Variants in HTR2C observed in about 807,000 individuals in gnomAD.
HTR2C encodes the protein 5-hydroxytryptamine receptor 2C, also known as 5-hydroxytryptamine (serotonin) receptor 2C, G protein-coupled.
Under a neutral mutation model 21.0 loss-of-function variants are expected in HTR2C, and 5 were observed. The observed-to-expected ratio is 0.24, with a 90% CI of 0.12 to 0.50. The LOEUF (loss-of-function observed/expected upper bound fraction) is 0.50, where lower values mean the gene tolerates loss of function less well. Among genes scored for constraint, HTR2C ranks in the 20% least tolerant of loss-of-function variants. The pLI is 0.98. For synonymous variants in HTR2C, 150 were observed against 145.3 expected (o/e 1.03, Z -0.23); for missense variants, 271 against 371.2 (o/e 0.73, Z 2.22).
chrX:114,851,836 G>A (rs1238499422), intron 5 of HTR2C, among the ~76,000 whole-genome samples: 2 of 111,108 alleles, frequency 1.8e-5, no homozygotes, highest in Non-Finnish European at 3.8e-5. Context: ...TTATAAAGCA[G>A]GATGCAGAAG....
chrX:114,781,332 T>A (rs782742084), intron 4 of HTR2C, among the ~76,000 whole-genome samples: 27 of 110,270 alleles, frequency 2.4e-4, no homozygotes, highest in Non-Finnish European at 4.2e-4. Flanking sequence ...ACAAAAAAAT[T>A]AAAAAATAAA....
chrX:114,629,741 G>T (rs782175850), intron 2 of HTR2C, among the ~76,000 whole-genome samples: 1 of 111,165 alleles, frequency 9.0e-6, no homozygotes, highest in South Asian at 3.8e-4. Context: ...ATACACCAAG[G>T]GTTATAATTA....
intron 4 of HTR2C, among the ~76,000 whole-genome samples, chrX:114,845,722 C>T (rs2070868561): frequency 9.1e-6 from 1 of 109,883 alleles, no homozygotes; most frequent in African/African-American, 3.3e-5. Flanking sequence ...GATTGGCTGG[C>T]CAATCCTCCT....
chrX:114,784,412 G>A (rs1247875681), intron 4 of HTR2C, among the ~76,000 whole-genome samples: 2 of 111,005 alleles, frequency 1.8e-5, no homozygotes, highest in Non-Finnish European at 3.8e-5. Flanking sequence ...CCACACATTC[G>A]TGGCTTAAAA....
intron 4 of HTR2C, among the ~76,000 whole-genome samples, chrX:114,753,357 A>G (rs2069780758): frequency 1.8e-5 from 2 of 111,901 alleles, no homozygotes; most frequent in African/African-American, 6.5e-5. Flanking sequence ...ACAACATAGG[A>G]CTGAAAGTTG....
chrX:114,642,964 G>A (rs1930196150), intron 2 of HTR2C, among the ~76,000 whole-genome samples: 2 of 110,945 alleles, frequency 1.8e-5, no homozygotes, highest in Admixed American at 1.9e-4. Context: ...TGTTATTGAT[G>A]AGTAAATCAA....
At chrX:114,897,406 TC>T (rs1419284101) in intron 5 of HTR2C, among the ~76,000 whole-genome samples, 1 of 111,670 alleles carries the variant, frequency 9.0e-6, no homozygotes, top group African/African-American at 3.3e-5. Context: ...TTTTTTTTTT[TC>T]CAAATTTTAT....
At chrX:114,708,739 C>T (rs1556418772) in intron 2 of HTR2C, among the ~76,000 whole-genome samples, 2 of 110,840 alleles carry the variant, frequency 1.8e-5, no homozygotes, top group East Asian at 2.8e-4. Flanking sequence ...CCCAAGAATT[C>T]GAGGTTACAG....
intron 1 of HTR2C, among the ~76,000 whole-genome samples, chrX:114,596,953 C>T (rs1927875467): frequency 9.0e-6 from 1 of 110,837 alleles, no homozygotes; most frequent in Non-Finnish European, 1.9e-5. Context: ...CATGGTGGCT[C>T]ACTCCTGTAA....
chrX:114,809,782 T>A (rs1556452163), intron 4 of HTR2C, among the ~76,000 whole-genome samples: 1 of 110,989 alleles, frequency 9.0e-6, no homozygotes, highest in African/African-American at 3.3e-5. Context: ...CACCAAGCTG[T>A]TACCCAAGCT....
chrX:114,753,261 G>A (rs2069779776), intron 4 of HTR2C, among the ~76,000 whole-genome samples: 1 of 111,080 alleles, frequency 9.0e-6, no homozygotes, highest in Non-Finnish European at 1.9e-5. Context: ...TCTCCCAATA[G>A]CAGTGGAAAC....
intron 2 of HTR2C, among the ~76,000 whole-genome samples, chrX:114,627,875 A>G (rs1292946186): frequency 8.9e-6 from 1 of 112,171 alleles, no homozygotes; most frequent in African/African-American, 3.2e-5. Context: ...GTACCTTATC[A>G]TTAGATCATA....
At chrX:114,792,101 T>C (rs2070238931) in intron 4 of HTR2C, among the ~76,000 whole-genome samples, 1 of 112,011 alleles carries the variant, frequency 8.9e-6, no homozygotes, top group Admixed American at 9.5e-5. Context: ...CATTTTTGGT[T>C]TTATTTTTAT....
At chrX:114,605,424 T>C (rs1298263480) in intron 1 of HTR2C, among the ~76,000 whole-genome samples, 2 of 110,652 alleles carry the variant, frequency 1.8e-5, no homozygotes, top group African/African-American at 6.6e-5. Context: ...TCAGCAATGC[T>C]TGGGGTTGGT....
At chrX:114,701,450 AG>A (rs1232860685) in intron 2 of HTR2C, among the ~76,000 whole-genome samples, 3 of 111,913 alleles carry the variant, frequency 2.7e-5, no homozygotes, top group African/African-American at 9.7e-5. Context: ...CCAGGCAAAC[AG>A]GGTCTGGAGT....
intron 5 of HTR2C, among the ~76,000 whole-genome samples, chrX:114,868,030 A>G (rs143606968): frequency 0.019 from 2,106 of 108,940 alleles, 15 homozygotes; most frequent in Non-Finnish European, 0.028. Context: ...TTTTTTTTCT[A>G]TTTCTGTGGA....
chrX:114,598,178 G>A (rs1927941148), intron 1 of HTR2C, among the ~76,000 whole-genome samples: 1 of 111,796 alleles, frequency 8.9e-6, no homozygotes, highest in Non-Finnish European at 1.9e-5. Context: ...AAAAGAGATT[G>A]CATGGGATGA....
At chrX:114,680,134 T>TA (rs1931697052) in intron 2 of HTR2C, among the ~76,000 whole-genome samples, 1 of 112,323 alleles carries the variant, frequency 8.9e-6, no homozygotes, top group Non-Finnish European at 1.9e-5. Flanking sequence ...CAATAGTTAA[T>TA]TACCAGGTCC....
chrX:114,641,027 T>TCTTC, intron 2 of HTR2C, among the ~76,000 whole-genome samples: 3 of 32,338 alleles, frequency 9.3e-5, no homozygotes, highest in African/African-American at 2.5e-4. Flanking sequence ...TTTCTTTCTT[T>TCTTC]CTTCCTTTCT....
Sources: allele counts gnomAD v4.1 joint callset (sites outside exome capture counted in the v4.1 genomes callset), GRCh38; gene constraint gnomAD v4.1.1; transcripts MANE v1.5; gene names NCBI Gene and HGNC (gene_info 2026-07-23, HGNC 2026-07-21).